The following DSC3 variants were observed in gnomAD, a reference collection of about 807,000 sequenced individuals.
DSC3 encodes desmocollin-3.
Under a neutral mutation model 89.5 loss-of-function variants are expected in DSC3, and 97 were observed. The observed-to-expected ratio is 1.08, with a 90% CI of 0.92 to 1.28. The LOEUF (loss-of-function observed/expected upper bound fraction) is 1.28, where lower values mean the gene tolerates loss of function less well. Among genes scored for constraint, DSC3 ranks in the 50% most tolerant of loss-of-function variants. The pLI, the probability that DSC3 is intolerant of heterozygous loss-of-function variation, is 0.00. For missense variants in DSC3, 1,199 were observed against 1,085.3 expected, an observed-to-expected ratio of 1.10 and a Z score of -1.47; for synonymous variants, 436 against 384.1, an observed-to-expected ratio of 1.14 and a Z score of -1.58.
intron 7 of DSC3, 105 bp from the exon 8 acceptor site, chr18:31,018,905 TG>T (rs3830372): frequency 9.0e-7 from 1 of 1,110,596 alleles, no homozygotes; most frequent in Non-Finnish European, 1.3e-6. Context: ...CACATCTGTG[TG>T]TTTCCGTGCT....
intron 3 of DSC3, among the ~76,000 whole-genome samples, chr18:31,030,651 A>G (rs1485172940): frequency 6.6e-6 from 1 of 152,008 alleles, no homozygotes; most frequent in African/African-American, 2.4e-5. Flanking sequence ...TAAGAAAGAG[A>G]GAGAGGGAGA....
Position 31,024,487 on chromosome 18 carries a change from C to A in DSC3, c.637G>T (p.Ala213Ser). ...TATCCATCTGCAGTTGACGCATAAG[C>A]AATCAACTGCAAAATAGCAAAAAGA... Reference protein sequence around the residue: ...REEYDVFDLIAYASTADGYSA... With the variant: ...REEYDVFDLISYASTADGYSA... Residue 213 changes from alanine (A) to serine (S), a missense_variant, in exon 6 of 16, where the codon GCT becomes TCT. Transcript: ENST00000360428. 1.2e-6 allele frequency: 2 copies of A among 1,612,406 alleles called. No homozygotes were observed. Among genetic ancestry groups the A allele is most frequent in the Non-Finnish European group, 8.5e-7 (1 of 1,179,218 alleles).
At chr18:31,013,183 G>T (rs1044373711) in intron 9 of DSC3, among the ~76,000 whole-genome samples, 2 of 152,060 alleles carry the variant, frequency 1.3e-5, no homozygotes, top group African/African-American at 4.8e-5. Context: ...GTACAAAAGA[G>T]AATGTCAATA....
intron 11 of DSC3, 90 bp downstream of exon 11, chr18:31,007,926 C>T (rs1984909619): frequency 1.7e-6 from 2 of 1,210,460 alleles, no homozygotes; most frequent in Admixed American, 2.0e-5. Flanking sequence ...GAATTCCATA[C>T]ACTTACCACC....
At chr18:31,018,912 G>A (rs1011219064) in intron 7 of DSC3, 112 bp from the exon 8 acceptor site, 23 of 1,033,954 alleles carry the variant, frequency 2.2e-5, no homozygotes, top group African/African-American at 9.5e-5. Context: ...GTGTGTTTCC[G>A]TGCTTTTACC....
In DSC3 at chr18:30,991,585, TAA is replaced by T. The variant is rs1984243719; in HGVS notation, c.*2588_*2589del. 1 of 152,150 alleles carries T rather than the reference TAA, an allele frequency of 6.6e-6. No homozygotes were observed. Among genetic ancestry groups the T allele is most frequent in the Non-Finnish European group, 1.5e-5 (1 of 68,046 alleles). 9.4% of individuals were successfully genotyped at this position (152,150 alleles called of 1,614,324 possible). On this transcript the variant is annotated 3_prime_UTR_variant, in exon 16 of 16. Coordinates refer to ENST00000360428, the MANE Select transcript of DSC3 (RefSeq NM_001941.5). Reference sequence around the variant, plus strand: ...CTTTGAGAAAGTTTATCGGCACTAGTAAAGTCTTGGGGAGGTAGCAGGTTTTG... The same window carrying T: ...CTTTGAGAAAGTTTATCGGCACTAGTAGTCTTGGGGAGGTAGCAGGTTTTG...
chr18:30,998,042 A>G (rs940172833), intron 14 of DSC3, among the ~76,000 whole-genome samples: 25 of 152,254 alleles, frequency 1.6e-4, no homozygotes, highest in Admixed American at 1.4e-3. Context: ...TATTATGAAG[A>G]TCACAGGGAC....
intron 11 of DSC3, among the ~76,000 whole-genome samples, chr18:31,007,734 C>T (rs964861194): frequency 1.3e-5 from 2 of 152,040 alleles, no homozygotes. Context: ...CTGATGAGAC[C>T]ATTTTATCTA....
chr18:31,022,391 G>A lies in DSC3; in HGVS notation c.887C>T (p.Ser296Phe), dbSNP rs1985452207. 5.0e-6 allele frequency: 8 copies of A among 1,614,076 alleles called. No individual in the cohort carries two copies. The highest frequency in any genetic ancestry group is 6.8e-6 in the Non-Finnish European group (8 of 1,179,982). ...QQTPRSPGLF[S>F]VHPSTGVITT... ...GATTACGCCTGTGCTGGGATGCACA[G>A]AAAAGAGCCCAGGTGACCTTGGTGT... The change falls in exon 7 of 16, where the codon TCT (serine) becomes TTT (phenylalanine). Residue 296 changes from serine (S) to phenylalanine (F), a missense_variant. Ser to Phe is a radical substitution (Grantham distance 155). Transcript: ENST00000360428.
At chr18:30,996,400 C>T (rs2144672280) in intron 15 of DSC3, among the ~76,000 whole-genome samples, 1 of 152,094 alleles carries the variant, frequency 6.6e-6, no homozygotes, top group East Asian at 1.9e-4. Context: ...AATCTTTATC[C>T]TAAAACTGCA....
rs528636238 is a variant in DSC3, at chr18:31,025,814, A to C, written c.576T>G (p.Thr192=). 1.2e-6 allele frequency: 2 copies of C among 1,613,328 alleles called. No homozygotes were observed. Among genetic ancestry groups the C allele is most frequent in the East Asian group, 2.2e-5 (1 of 44,820 alleles). The change falls in exon 5 of 16, where the codon ACT becomes ACG. Residue 192 remains threonine (T), a synonymous_variant. Transcript: ENST00000360428. ...PLNLFYIERD[T]GNLFCTRPVD... is the part of the protein sequence containing the mutation. ...CAGGCCGAGTGCAAAATAGATTTCC[A>C]GTGTCTCTTTCTATATAAAACAAAT...
rs1021256273 is a variant in DSC3 at position 30,992,558 on chromosome 18, G to C, written c.*1617C>G. The C allele has an allele frequency of 6.6e-6, 1 of 152,230 alleles. No individual in the cohort carries two copies. The highest frequency in any genetic ancestry group is 1.5e-5 in the Non-Finnish European group (1 of 68,056). 9.4% of individuals were successfully genotyped at this position (152,230 alleles called of 1,614,324 possible). The stretch of plus-strand genomic sequence containing the variant: ...CAAGCCTAGGAAAAAGTATGAAGCA[G>C]ACGATGTTGCTTTTACTCCCACCCA... On this transcript the variant is annotated 3_prime_UTR_variant, in exon 16 of 16. Transcript: ENST00000360428.
Position 30,994,229 on chromosome 18 carries a change from TAAA to T in DSC3, c.2634_2636del (p.Phe878del). ...TAATAAATTTGGGTTCCAAATTATT[TAAA>T]AAGTCAAGGCCATCTTCTTCCTGCT... On this transcript the variant is annotated inframe_deletion, in exon 16 of 16. Transcript: ENST00000360428. 6.2e-7 allele frequency: 1 copy of T among 1,614,122 alleles called. No homozygotes were observed.
In DSC3 at chr18:31,008,176, A is replaced by G. The variant is rs747237429; in HGVS notation, c.1521-18T>C. ...TTTTGTACCTGTTAATAAAAAAAAA[A>G]TAGTCTTTAGCATCAGAAAATGTTT... On this transcript the variant is annotated intron_variant, in intron 10 of 15. Coordinates refer to ENST00000360428, the MANE Select transcript of DSC3 (RefSeq NM_001941.5). 8 of 1,606,602 alleles carry G rather than the reference A, an allele frequency of 5.0e-6. No homozygotes were observed. The highest frequency in any genetic ancestry group is 6.8e-6 in the Non-Finnish European group (8 of 1,175,160).
intron 8 of DSC3, 53 bp from the exon 9 acceptor site, chr18:31,018,309 TA>T (rs1371370382): frequency 4.7e-5 from 68 of 1,444,828 alleles, no homozygotes; most frequent in South Asian, 7.7e-5. Context: ...TAGACAACTT[TA>T]AAAAAAAGTT....
intron 9 of DSC3, 83 bp downstream of exon 9, chr18:31,017,988 G>A: frequency 8.5e-7 from 1 of 1,182,580 alleles, no homozygotes; most frequent in East Asian, 2.4e-5. Flanking sequence ...TAGAGTCTAT[G>A]GTCTGAAACT....
In DSC3 at chr18:31,008,177, T is replaced by C. The variant is rs1166280013; in HGVS notation, c.1521-19A>G. On this transcript the variant is annotated intron_variant, in intron 10 of 15. Transcript: ENST00000360428. ...TTTGTACCTGTTAATAAAAAAAAAA[T>C]AGTCTTTAGCATCAGAAAATGTTTT... The C allele has an allele frequency of 3.7e-6, 6 of 1,603,406 alleles. No homozygotes were observed. The highest frequency in any genetic ancestry group is 4.3e-6 in the Non-Finnish European group (5 of 1,172,722).
At chr18:31,003,311 T>G (rs1984729534) in intron 13 of DSC3, among the ~76,000 whole-genome samples, 1 of 152,236 alleles carries the variant, frequency 6.6e-6, no homozygotes, top group Non-Finnish European at 1.5e-5. Context: ...GCAGAATGAT[T>G]GTTTTTGCTT....
intron 8 of DSC3, 138 bp downstream of exon 8, chr18:31,018,528 G>T (rs1018759824): frequency 1.9e-6 from 2 of 1,042,916 alleles, no homozygotes; most frequent in East Asian, 2.6e-5. Flanking sequence ...CATATCACTT[G>T]TTTAAACTTT....
Sources: gnomAD v4.1 joint callset for allele counts (sites outside exome capture counted in the v4.1 genomes callset) on GRCh38, gnomAD v4.1.1 for gene constraint, MANE v1.5 for transcripts, NCBI Gene and HGNC (gene_info 2026-07-23, HGNC 2026-07-21) for gene names.